The following CDC42SE2 variants were observed in gnomAD, a reference collection of about 807,000 sequenced individuals.
CDC42SE2 encodes the protein CDC42 small effector 2.
In CDC42SE2, 3 loss-of-function variants were observed where a neutral mutation model predicts 11.5. That is an observed-to-expected ratio of 0.26 (90% CI 0.12 to 0.67). CDC42SE2 has a LOEUF of 0.67. Among genes scored for constraint, CDC42SE2 ranks in the 30% least tolerant of loss-of-function variants. The pLI is 0.80. For synonymous variants in CDC42SE2, 33 were observed against 34.8 expected (o/e 0.95, Z 0.18); for missense variants, 82 against 106.8 (o/e 0.77, Z 1.02).
At chr5:131,288,533 G>A (rs187199093) in intron 1 of CDC42SE2, among the ~76,000 whole-genome samples, 84 of 152,148 alleles carry the variant, frequency 5.5e-4, no homozygotes, top group Non-Finnish European at 1.0e-3. Flanking sequence ...CTCACTCTAT[G>A]GTCCAGGCTG....
the CDC42SE2 span, among the ~76,000 whole-genome samples, chr5:131,216,080 C>T: frequency 6.6e-6 from 1 of 152,166 alleles, no homozygotes; most frequent in Admixed American, 6.6e-5. Context: ...AGAACATTTT[C>T]AGAGGAGGAA....
At position 131,266,455 on chromosome 5, in the gene CDC42SE2, T is replaced by C. The variant is rs957364221; in HGVS notation, c.-455+2289T>C. On this transcript the variant is annotated intron_variant, in intron 1 of 4. Transcript: ENST00000505065. ...TGGACTTACCGGCTATTAGCTTTTT[T>C]TTTTCTTTTTTTTTTTTTTTTCGAG... 1.9e-4 allele frequency among the ~76,000 whole-genome samples: 29 copies of C among 151,344 alleles called. No individual in the cohort carries two copies. The Middle Eastern group carries it at 0.01, about 53-fold the overall frequency.
intron 2 of CDC42SE2, among the ~76,000 whole-genome samples, chr5:131,333,630 T>C (rs1344224499): frequency 2.0e-5 from 3 of 152,186 alleles, no homozygotes; most frequent in Non-Finnish European, 2.9e-5. Context: ...GTTTGTATCC[T>C]CTTTTATTTC....
intron 4 of CDC42SE2, 53 bp from the exon 5 acceptor site, chr5:131,390,939 CG>C (rs1225567482): frequency 1.7e-6 from 2 of 1,162,020 alleles, no homozygotes; most frequent in Non-Finnish European, 2.5e-6. Context: ...TTAGTTGCAC[CG>C]GACCTACTTC....
At chr5:131,312,814 G>T (rs1284900673) in intron 1 of CDC42SE2, among the ~76,000 whole-genome samples, 1 of 152,054 alleles carries the variant, frequency 6.6e-6, no homozygotes, top group Non-Finnish European at 1.5e-5. Context: ...AACGGTGTGC[G>T]CACCCACTGA....
At chr5:131,282,320 A>G (rs552434014) in intron 1 of CDC42SE2, among the ~76,000 whole-genome samples, 1 of 152,188 alleles carries the variant, frequency 6.6e-6, no homozygotes, top group South Asian at 2.1e-4. Flanking sequence ...TATGATTAAG[A>G]TATGGGGAGA....
In CDC42SE2 at chr5:131,359,563, G is replaced by A; in HGVS notation, c.54+16G>A. On this transcript the variant is annotated intron_variant, in intron 3 of 4. Coordinates refer to ENST00000505065, the MANE Select transcript of CDC42SE2 (RefSeq NM_001375635.1). ...GCCTCAGCCTGTAAGTATGAAGTAT[G>A]TGGACACATCAGGTGGGGTGCTTAT... 6.3e-7 allele frequency: 1 copy of A among 1,597,650 alleles called. No individual in the cohort carries two copies. Among genetic ancestry groups the A allele is most frequent in the Non-Finnish European group, 8.6e-7 (1 of 1,164,990 alleles).
intron 3 of CDC42SE2, among the ~76,000 whole-genome samples, chr5:131,362,791 A>G (rs1749745771): frequency 6.6e-6 from 1 of 152,132 alleles, no homozygotes; most frequent in South Asian, 2.1e-4. Flanking sequence ...CTGTTGCTAG[A>G]TATAGCTAAG....
intron 1 of CDC42SE2, among the ~76,000 whole-genome samples, chr5:131,289,468 C>T (rs1005648666): frequency 2.6e-5 from 4 of 152,036 alleles, no homozygotes; most frequent in Admixed American, 2.6e-4. Context: ...GTCAGGAGAT[C>T]GAGACCATCC....
chr5:131,360,361 C>T (rs1749672549), intron 3 of CDC42SE2, among the ~76,000 whole-genome samples: 1 of 152,184 alleles, frequency 6.6e-6, no homozygotes, highest in Admixed American at 6.5e-5. Flanking sequence ...CTCAGGTGAT[C>T]CACCCGCCTC....
intron 3 of CDC42SE2, among the ~76,000 whole-genome samples, chr5:131,363,908 A>G (rs1164971845): frequency 6.6e-6 from 1 of 151,238 alleles, no homozygotes; most frequent in African/African-American, 2.4e-5. Flanking sequence ...TTGGCCAGGC[A>G]GATGTCGAAC....
intron 1 of CDC42SE2, among the ~76,000 whole-genome samples, chr5:131,249,007 G>T (rs1465617635): frequency 1.4e-5 from 2 of 139,458 alleles, no homozygotes; most frequent in South Asian, 4.5e-4. Context: ...GAATAGCCAG[G>T]TTACATCTTT....
At chr5:131,376,811 G>A (rs1199310849) in intron 3 of CDC42SE2, among the ~76,000 whole-genome samples, 5 of 152,144 alleles carry the variant, frequency 3.3e-5, no homozygotes, top group Non-Finnish European at 5.9e-5. Context: ...TTGCTCCAAA[G>A]GACATGGTCT....
intron 1 of CDC42SE2, among the ~76,000 whole-genome samples, chr5:131,313,182 C>A (rs1757967503): frequency 6.6e-6 from 1 of 151,920 alleles, no homozygotes; most frequent in African/African-American, 2.4e-5. Flanking sequence ...CGGGGTTTTG[C>A]CATGTTAGCC....
the CDC42SE2 span, among the ~76,000 whole-genome samples, chr5:131,213,343 T>C: frequency 2.0e-5 from 3 of 152,226 alleles, no homozygotes; most frequent in African/African-American, 7.2e-5. Context: ...TAAAATTAAA[T>C]CTCATACATA....
Position 131,392,659 on chromosome 5 carries a change from T to C in CDC42SE2, c.*1568T>C, listed in dbSNP as rs1472564976. The C allele has an allele frequency of 6.6e-6, 1 of 152,402 alleles. No individual in the cohort carries two copies. Among genetic ancestry groups the C allele is most frequent in the Non-Finnish European group, 1.5e-5 (1 of 68,042 alleles). The allele number at this position is 152,402 out of a possible 1,614,324, so 9.4% of individuals were successfully genotyped here. A position where few individuals can be genotyped will look rare whatever the true frequency, so the allele number is the denominator to read the frequency against. ...ACAGGTGTGGTTACAGGTGTGGTTA[T>C]GTATCTGAGTGTTGCGGTCATACTC... On this transcript the variant is annotated 3_prime_UTR_variant, in exon 5 of 5. Transcript: ENST00000505065.
intron 1 of CDC42SE2, among the ~76,000 whole-genome samples, chr5:131,291,073 C>T (rs1383025997): frequency 6.6e-6 from 1 of 151,924 alleles, no homozygotes; most frequent in East Asian, 1.9e-4. Flanking sequence ...TATAAGTGTG[C>T]CTGATTTGTA....
At chr5:131,265,874 T>C (rs1466236267) in intron 1 of CDC42SE2, among the ~76,000 whole-genome samples, 1 of 152,250 alleles carries the variant, frequency 6.6e-6, no homozygotes, top group Non-Finnish European at 1.5e-5. Context: ...AAGGGTAATG[T>C]ACTTCTGGTC....
At chr5:131,216,360 G>A in the CDC42SE2 span, among the ~76,000 whole-genome samples, 1 of 151,842 alleles carries the variant, frequency 6.6e-6, no homozygotes, top group South Asian at 2.1e-4. Flanking sequence ...ATATTAGCCG[G>A]GCATGGTGGT....
Sources: allele counts gnomAD v4.1 joint callset (sites outside exome capture counted in the v4.1 genomes callset), GRCh38; gene constraint gnomAD v4.1.1; transcripts MANE v1.5; gene names NCBI Gene and HGNC (gene_info 2026-07-23, HGNC 2026-07-21).